The following ATG10 variants were observed in gnomAD, a reference collection of about 807,000 sequenced individuals.
The protein encoded by ATG10 is autophagy related 10.
ATG10 carries 30 observed loss-of-function variants against 32.1 expected under a neutral mutation model. That is an observed-to-expected ratio of 0.94 (90% confidence interval 0.70 to 1.27). ATG10 has a LOEUF of 1.27. Among genes scored for constraint, ATG10 ranks in the 50% most tolerant of loss-of-function variants. The probability of loss-of-function intolerance (pLI) is 0.00; values close to 1 mark genes in which losing one functional copy is unlikely to be tolerated. For synonymous variants in ATG10, 87 were observed against 91.5 expected, an observed-to-expected ratio of 0.95 and a Z score of 0.28; for missense variants, 233 against 262.3, an observed-to-expected ratio of 0.89 and a Z score of 0.77.
At chr5:82,150,269 A>G (rs533113557) in intron 3 of ATG10, among the ~76,000 whole-genome samples, 1 of 151,652 alleles carries the variant, frequency 6.6e-6, no homozygotes, top group Admixed American at 6.6e-5. Flanking sequence ...TGTGTCAACT[A>G]TGCAGGCTAA....
chr5:82,104,202 A>T (rs893252048), intron 3 of ATG10, among the ~76,000 whole-genome samples: 13 of 152,200 alleles, frequency 8.5e-5, no homozygotes, highest in African/African-American at 3.1e-4. Flanking sequence ...CTTGTGTTAT[A>T]CCTGAGAGTG....
At chr5:82,074,872 AC>A (rs1350072337) in intron 3 of ATG10, among the ~76,000 whole-genome samples, 1 of 152,190 alleles carries the variant, frequency 6.6e-6, no homozygotes, top group Non-Finnish European at 1.5e-5. Context: ...AGACAGAAGC[AC>A]CTTTTTTCTC....
intron 1 of ATG10, among the ~76,000 whole-genome samples, chr5:81,975,315 T>G (rs956721044): frequency 6.6e-6 from 1 of 152,188 alleles, no homozygotes; most frequent in African/African-American, 2.4e-5. Flanking sequence ...AGAATGTGTA[T>G]TCTGAAAAAT....
Position 82,244,261 on chromosome 5 carries a change from A to T in ATG10, c.454-8301A>T, listed in dbSNP as rs183312995. On this transcript the variant is annotated intron_variant, in intron 5 of 7. Coordinates refer to ENST00000282185, the MANE Select transcript of ATG10 (RefSeq NM_031482.5). ...AATAAATAGATTTTTGAAGGAGTAGACTAGAGGTTGGAAGTCAGGAACTAT... is the reference window on the plus strand; with the variant it reads ...AATAAATAGATTTTTGAAGGAGTAGTCTAGAGGTTGGAAGTCAGGAACTAT... Among the ~76,000 whole-genome samples the T allele has an allele frequency of 4.3e-3, 650 of 152,258 alleles. 13 individuals are homozygous for T. Among genetic ancestry groups the T allele is most frequent in the Non-Finnish European group, 2.2e-3 (153 of 68,016 alleles).
chr5:82,090,952 C>G (rs1764862576), intron 3 of ATG10, among the ~76,000 whole-genome samples: 1 of 152,120 alleles, frequency 6.6e-6, no homozygotes, highest in Admixed American at 6.6e-5. Context: ...TCCTTCAATG[C>G]AGGTGATTTT....
chr5:82,112,109 G>A (rs937730550), intron 3 of ATG10, among the ~76,000 whole-genome samples: 6 of 151,804 alleles, frequency 4.0e-5, no homozygotes, highest in South Asian at 2.1e-4. Flanking sequence ...AAATAAACAT[G>A]AGCATCTCTT....
Position 82,003,061 on chromosome 5 carries a change from A to T in ATG10, c.108+15383A>T, listed in dbSNP as rs552471676. Among the ~76,000 whole-genome samples the T allele has an allele frequency of 7.2e-4, 109 of 152,356 alleles. 1 individual carries two copies. Among genetic ancestry groups the T allele is most frequent in the African/African-American group, 2.5e-3 (105 of 41,594 alleles). ...ATAAAGAAATTGTAAGCTTTAAAAAATAACCTGGTTGTTAATAGTACTCTC... is the reference window on the plus strand; with the variant it reads ...ATAAAGAAATTGTAAGCTTTAAAAATTAACCTGGTTGTTAATAGTACTCTC... On this transcript the variant is annotated intron_variant, in intron 2 of 7. Coordinates refer to ENST00000282185, the MANE Select transcript of ATG10 (RefSeq NM_031482.5).
At chr5:82,208,287 C>T (rs1386108172) in intron 5 of ATG10, among the ~76,000 whole-genome samples, 1 of 151,056 alleles carries the variant, frequency 6.6e-6, no homozygotes, top group African/African-American at 2.4e-5. Context: ...CTATGCTGGA[C>T]TCTTAATTTC....
chr5:82,104,187 T>C lies in ATG10; in HGVS notation c.216+45585T>C, dbSNP rs568287725. Among the ~76,000 whole-genome samples the C allele has an allele frequency of 1.8e-4, 28 of 152,312 alleles. No homozygotes were observed. The South Asian group carries it at 2.7e-3, about 15-fold the overall frequency. Reference sequence around the variant, plus strand: ...CTTTTTTGGCGAACATCTGTACATATTTCTCTTGTGTTATACCTGAGAGTG... The same window carrying C: ...CTTTTTTGGCGAACATCTGTACATACTTCTCTTGTGTTATACCTGAGAGTG... On this transcript the variant is annotated intron_variant, in intron 3 of 7. Transcript: ENST00000282185.
intron 3 of ATG10, among the ~76,000 whole-genome samples, chr5:82,136,908 C>T (rs761992136): frequency 6.6e-6 from 1 of 151,956 alleles, no homozygotes; most frequent in Non-Finnish European, 1.5e-5. Context: ...TTTGTTCATT[C>T]CTTTTCATTC....
At chr5:82,166,121 G>A (rs184977480) in intron 4 of ATG10, among the ~76,000 whole-genome samples, 3 of 152,246 alleles carry the variant, frequency 2.0e-5, no homozygotes, top group Non-Finnish European at 4.4e-5. Context: ...TCCCCTTACA[G>A]TACAGCACAG....
chr5:82,134,104 C>A (rs1157679717), intron 3 of ATG10, among the ~76,000 whole-genome samples: 1 of 105,438 alleles, frequency 9.5e-6, no homozygotes, highest in African/African-American at 3.8e-5. Context: ...TGCTTATCAG[C>A]TGAAGGAGTT....
intron 3 of ATG10, among the ~76,000 whole-genome samples, chr5:82,123,335 G>A (rs758003291): frequency 6.6e-6 from 1 of 152,098 alleles, no homozygotes; most frequent in Non-Finnish European, 1.5e-5. Context: ...TGAACACAAA[G>A]AAGGGAGCAA....
At chr5:82,188,392 T>C (rs1379128246) in intron 5 of ATG10, among the ~76,000 whole-genome samples, 1 of 152,190 alleles carries the variant, frequency 6.6e-6, no homozygotes, top group East Asian at 1.9e-4. Context: ...AGCATTTCAT[T>C]GATCCCTGGA....
chr5:82,164,598 T>C (rs1205991276), intron 4 of ATG10, 61 bp downstream of exon 4: 7 of 1,467,564 alleles, frequency 4.8e-6, no homozygotes, highest in Non-Finnish European at 6.5e-6. Context: ...GCAAAAAGCA[T>C]ATTTGGAAAA....
intron 5 of ATG10, among the ~76,000 whole-genome samples, chr5:82,239,416 A>G (rs1746696645): frequency 6.6e-6 from 1 of 152,162 alleles, no homozygotes; most frequent in African/African-American, 2.4e-5. Flanking sequence ...CTGTGCCCTC[A>G]AGGAATTAAA....
intron 3 of ATG10, among the ~76,000 whole-genome samples, chr5:82,138,688 A>G (rs944862747): frequency 5.3e-5 from 8 of 152,164 alleles, no homozygotes; most frequent in Admixed American, 6.5e-5. Context: ...CCGGGGATCC[A>G]TGGATTCTTT....
chr5:82,023,499 TTAAA>T (rs1420320136), intron 2 of ATG10, among the ~76,000 whole-genome samples: 3 of 152,214 alleles, frequency 2.0e-5, no homozygotes, highest in Non-Finnish European at 2.9e-5. Context: ...TTAGAATACA[TTAAA>T]TAAACTGTGT....
At chr5:82,183,218 CT>C (rs1172112374) in intron 5 of ATG10, among the ~76,000 whole-genome samples, 1 of 151,840 alleles carries the variant, frequency 6.6e-6, no homozygotes, top group Non-Finnish European at 1.5e-5. Flanking sequence ...TTCCCAAGTT[CT>C]TTTTTTATAG....
Sources: gnomAD v4.1 joint callset for allele counts (sites outside exome capture counted in the v4.1 genomes callset) on GRCh38, gnomAD v4.1.1 for gene constraint, MANE v1.5 for transcripts, NCBI Gene and HGNC (gene_info 2026-07-23, HGNC 2026-07-21) for gene names.